Variants in RALB observed in about 807,000 individuals in gnomAD.
RALB encodes ras-related protein Ral-B.
Under a neutral mutation model 21.3 loss-of-function variants are expected in RALB, and 16 were observed. That is an observed-to-expected ratio of 0.75 (90% CI 0.51 to 1.14). The LOEUF is 1.14. Among genes scored for constraint, RALB ranks in the 50% most tolerant of loss-of-function variants. The pLI is 0.00. For missense variants in RALB, 161 were observed against 256.2 expected (o/e 0.63, Z 2.54); for synonymous variants, 93 against 96.1 (o/e 0.97, Z 0.19).
chr2:120,252,382 A>T (rs374394545), upstream of RALB, among the ~76,000 whole-genome samples: 215 of 152,142 alleles, frequency 1.4e-3, no homozygotes, highest in African/African-American at 4.9e-3. Context: ...CCGCCCCAAG[A>T]CCCCCGGGCG....
intron 1 of RALB, among the ~76,000 whole-genome samples, chr2:120,278,013 ATG>A (rs1432826484): frequency 7.8e-6 from 1 of 127,542 alleles, no homozygotes; most frequent in Middle Eastern, 5.0e-3. Context: ...GTGTGTGAGC[ATG>A]TGTGAATGTG....
intron 1 of RALB, among the ~76,000 whole-genome samples, chr2:120,277,749 ATG>A (rs781118055): frequency 5.2e-4 from 78 of 150,918 alleles, no homozygotes; most frequent in Admixed American, 1.6e-3. Context: ...TTGTGTGTGA[ATG>A]TGAGCATGTA....
At chr2:120,267,596 A>C (rs1689535122) in intron 1 of RALB, among the ~76,000 whole-genome samples, 1 of 152,140 alleles carries the variant, frequency 6.6e-6, no homozygotes, top group Non-Finnish European at 1.5e-5. Context: ...TGAGTGAGGC[A>C]GGTGGAAGTA....
intron 1 of RALB, among the ~76,000 whole-genome samples, chr2:120,266,510 G>A (rs917486676): frequency 4.6e-5 from 7 of 152,278 alleles, no homozygotes; most frequent in Non-Finnish European, 7.4e-5. Context: ...GCCTCCCAAA[G>A]TGCTGGGATT....
chr2:120,285,840 C>T, intron 2 of RALB, 34 bp from the exon 3 acceptor site: 1 of 1,584,328 alleles, frequency 6.3e-7, no homozygotes. Flanking sequence ...CCCCTTAAGA[C>T]TTTGTTAATT....
At chr2:120,267,852 C>T (rs969327487) in intron 1 of RALB, among the ~76,000 whole-genome samples, 1 of 152,074 alleles carries the variant, frequency 6.6e-6, no homozygotes, top group African/African-American at 2.4e-5. Flanking sequence ...AGTGCAGTGG[C>T]GTGATCTGGG....
At chr2:120,277,983 ATG>A (rs1020849106) in intron 1 of RALB, among the ~76,000 whole-genome samples, 8 of 140,184 alleles carry the variant, frequency 5.7e-5, no homozygotes, top group African/African-American at 5.5e-5. Flanking sequence ...GAATAAGAGC[ATG>A]TGTGAATGTG....
intron 1 of RALB, among the ~76,000 whole-genome samples, chr2:120,241,796 T>C (rs1186436795): frequency 2.6e-5 from 4 of 152,134 alleles, no homozygotes. Flanking sequence ...ATGGAGAAAT[T>C]GGAACCTTTG....
At chr2:120,264,682 G>T (rs1206372282) in intron 1 of RALB, among the ~76,000 whole-genome samples, 1 of 152,100 alleles carries the variant, frequency 6.6e-6, no homozygotes, top group Non-Finnish European at 1.5e-5. Flanking sequence ...TTGTTGTGCA[G>T]CCATCACCAC....
At chr2:120,292,998 A>G (rs1690343012) in intron 4 of RALB, 143 bp from the exon 5 acceptor site, 1 of 820,900 alleles carries the variant, frequency 1.2e-6, no homozygotes, top group South Asian at 2.6e-5. Flanking sequence ...TGTGCTTTAA[A>G]ATGTAACTAC....
intron 1 of RALB, among the ~76,000 whole-genome samples, chr2:120,244,102 G>A (rs1161594923): frequency 6.6e-6 from 1 of 152,154 alleles, no homozygotes; most frequent in Non-Finnish European, 1.5e-5. Context: ...AGAAAAGGGG[G>A]AAGAGCAACA....
chr2:120,265,225 TA>T (rs1689473235), intron 1 of RALB, among the ~76,000 whole-genome samples: 1 of 152,276 alleles, frequency 6.6e-6, no homozygotes, highest in Admixed American at 6.5e-5. Context: ...ACTACTCACC[TA>T]GCCCGTACGG....
chr2:120,279,907 T>C (rs2104640295), intron 2 of RALB, among the ~76,000 whole-genome samples: 1 of 152,320 alleles, frequency 6.6e-6, no homozygotes, highest in South Asian at 2.1e-4. Flanking sequence ...GGCCTCTAGC[T>C]GAGGGAGTTT....
chr2:120,279,442 A>G (rs3896630), intron 2 of RALB, among the ~76,000 whole-genome samples: 69,384 of 151,512 alleles, frequency 0.46, 17,443 homozygotes, highest in Middle Eastern at 0.67. Context: ...AATATTCGGG[A>G]AAAAAACCCA....
At chr2:120,253,973 C>G (rs2104576891) in intron 1 of RALB, among the ~76,000 whole-genome samples, 1 of 152,208 alleles carries the variant, frequency 6.6e-6, no homozygotes, top group East Asian at 1.9e-4. Flanking sequence ...ACTGATGTTC[C>G]AAGCAGAGCC....
chr2:120,253,684 T>C (rs1340251114), intron 1 of RALB: 2 of 985,416 alleles, frequency 2.0e-6, no homozygotes, highest in African/African-American at 3.5e-5. Flanking sequence ...GTGTCCTCTC[T>C]GTGCTCATTT....
chr2:120,289,830 G>A (rs762686577), intron 4 of RALB, 73 bp downstream of exon 4: 6 of 1,385,716 alleles, frequency 4.3e-6, no homozygotes, highest in Non-Finnish European at 5.8e-6. Context: ...TCATCTGCTG[G>A]GTTTTAGGGA....
chr2:120,282,207 G>A (rs1463731298), intron 2 of RALB, among the ~76,000 whole-genome samples: 8 of 152,164 alleles, frequency 5.3e-5, no homozygotes, highest in Admixed American at 2.6e-4. Context: ...GGCCGGGCGC[G>A]GTGGCTCACG....
chr2:120,283,781 A>C (rs1345064128), intron 2 of RALB, among the ~76,000 whole-genome samples: 2 of 152,256 alleles, frequency 1.3e-5, no homozygotes, highest in East Asian at 3.8e-4. Flanking sequence ...AAACTGAGCC[A>C]TGCAGAGCTC....
Sources: gnomAD v4.1 joint callset for allele counts (sites outside exome capture counted in the v4.1 genomes callset) on GRCh38, gnomAD v4.1.1 for gene constraint, MANE v1.5 for transcripts, NCBI Gene and HGNC (gene_info 2026-07-23, HGNC 2026-07-21) for gene names.